METTL2A: variants seen among roughly 807,000 people sequenced by gnomAD.
METTL2A encodes the protein methyltransferase 2A, tRNA N3-cytidine, also known as tRNA N(3)-cytidine methyltransferase METTL2A.
METTL2A carries 45 observed loss-of-function variants against 49.4 expected under a neutral mutation model. The ratio of observed to expected loss-of-function variants is 0.91; its 90% CI spans 0.72 to 1.17. METTL2A has a LOEUF of 1.17. Ranked by LOEUF, METTL2A falls within the 50% of genes most tolerant of loss-of-function variation. The pLI, the probability that METTL2A is intolerant of heterozygous loss-of-function variation, is 0.00. For missense variants in METTL2A, 361 were observed against 462.2 expected (o/e 0.78, Z 2.01); for synonymous variants, 118 against 167.5 (o/e 0.70, Z 2.28).
At chr17:62,446,008 G>A (rs1485278573) in intron 7 of METTL2A, among the ~76,000 whole-genome samples, 2 of 152,120 alleles carry the variant, frequency 1.3e-5, no homozygotes, top group Non-Finnish European at 2.9e-5. Flanking sequence ...CAGGCGAGGA[G>A]TATTTAGTCA....
At chr17:62,444,964 C>A (rs1336846262) in intron 7 of METTL2A, 21 bp downstream of exon 7, 1 of 1,611,256 alleles carries the variant, frequency 6.2e-7, no homozygotes, top group Non-Finnish European at 8.5e-7. Flanking sequence ...AGTGCTGAAT[C>A]CTAACCACTA....
intron 8 of METTL2A, 149 bp downstream of exon 8, chr17:62,447,915 C>A: frequency 1.1e-5 from 17 of 1,528,868 alleles, no homozygotes; most frequent in Non-Finnish European, 1.4e-5. Flanking sequence ...CCCTCTTCCA[C>A]CCTGGGCTAG....
At chr17:62,429,080 C>T (rs1265629429) in intron 4 of METTL2A, among the ~76,000 whole-genome samples, 2 of 152,052 alleles carry the variant, frequency 1.3e-5, no homozygotes, top group Non-Finnish European at 2.9e-5. Context: ...GTCACCGTTC[C>T]CAGCCTCAAG....
rs910894676 is a variant in METTL2A at position 62,428,787 on chromosome 17, G to T, written c.608+950G>T. On this transcript the variant is annotated intron_variant, in intron 4 of 8. Transcript: ENST00000311506. ...CACCAACCTGGAAGCTCATCAAGGGGTTTTTTTTAGTTTTGAGACAAGCTC... is the reference window on the plus strand; with the variant it reads ...CACCAACCTGGAAGCTCATCAAGGGTTTTTTTTTAGTTTTGAGACAAGCTC... Among the ~76,000 whole-genome samples, 6 of 151,986 alleles carry T rather than the reference G, an allele frequency of 3.9e-5. No individual in the cohort carries two copies. The East Asian group carries it at 5.8e-4, about 15-fold the overall frequency.
At chr17:62,447,565 T>A in intron 7 of METTL2A, 136 bp from the exon 8 acceptor site, 1 of 847,068 alleles carries the variant, frequency 1.2e-6, no homozygotes, top group Non-Finnish European at 1.9e-6. Flanking sequence ...TTACTCCTGT[T>A]GAGCTGCTCT....
chr17:62,441,841 A>G lies in METTL2A; in HGVS notation c.809+1085A>G, dbSNP rs577845443. On this transcript the variant is annotated intron_variant, in intron 6 of 8. Coordinates refer to ENST00000311506, the MANE Select transcript of METTL2A (RefSeq NM_181725.4). ...CTGCAACCTCCACCTCCCGGGTTCA[A>G]CCAATTCTCCTGCCTCAGCCTCCCA... Among the ~76,000 whole-genome samples the G allele has an allele frequency of 3.4e-5, 5 of 147,022 alleles. No homozygotes were observed. In the East Asian group the frequency reaches 6.1e-4, roughly 18 times the overall value.
intron 6 of METTL2A, 61 bp downstream of exon 6, chr17:62,440,817 T>C: frequency 2.5e-6 from 4 of 1,575,394 alleles, no homozygotes; most frequent in Non-Finnish European, 3.4e-6. Context: ...AGGGACCTTT[T>C]TTTTTAAAAT....
intron 4 of METTL2A, among the ~76,000 whole-genome samples, chr17:62,430,251 C>T (rs2070655660): frequency 6.6e-6 from 1 of 152,172 alleles, no homozygotes; most frequent in South Asian, 2.1e-4. Flanking sequence ...GAGGAACCCA[C>T]CTCAAATGGG....
At position 62,447,767 on chromosome 17, in the gene METTL2A, G is replaced by A; in HGVS notation, c.982+1G>A. 1 of 1,614,172 alleles carries A rather than the reference G, an allele frequency of 6.2e-7. No homozygotes were observed. The highest frequency in any genetic ancestry group is 8.5e-7 in the Non-Finnish European group (1 of 1,179,990). Reference sequence around the variant, plus strand: ...ACCAGAGTTTACTTCTTCACACAAGGTATGAAACACCCATCTTTTTACACT... The same window carrying A: ...ACCAGAGTTTACTTCTTCACACAAGATATGAAACACCCATCTTTTTACACT... On this transcript the variant is annotated splice_donor_variant, in intron 8 of 8. Transcript: ENST00000311506. LOFTEE classifies it high-confidence loss of function.
intron 7 of METTL2A, among the ~76,000 whole-genome samples, chr17:62,447,294 C>G (rs2070775336): frequency 6.6e-6 from 1 of 152,072 alleles, no homozygotes; most frequent in African/African-American, 2.4e-5. Context: ...GTGGTGGGAA[C>G]CTGTAATCCC....
Position 62,448,831 on chromosome 17 carries a change from A to C in METTL2A, c.*102A>C, listed in dbSNP as rs549216987. The C allele has an allele frequency of 1.5e-4, 228 of 1,519,788 alleles. 2 individuals carry two copies. In the East Asian group the frequency reaches 5.1e-3, roughly 34 times the overall value. The allele number at this position is 1,519,788 out of a possible 1,614,324, so 94.1% of individuals were successfully genotyped here. ...GTGGTGCATGCCTGTAATCCCAGCC[A>C]CTCAGGAGGCTGAGGCGGGGAGGAT... On this transcript the variant is annotated 3_prime_UTR_variant, in exon 9 of 9. Coordinates refer to ENST00000311506, the MANE Select transcript of METTL2A (RefSeq NM_181725.4).
At chr17:62,431,457 G>A (rs2070664728) in intron 4 of METTL2A, among the ~76,000 whole-genome samples, 1 of 151,296 alleles carries the variant, frequency 6.6e-6, no homozygotes, top group Admixed American at 6.6e-5. Flanking sequence ...GGGTTCAGGT[G>A]ACCCTCCCAC....
intron 5 of METTL2A, among the ~76,000 whole-genome samples, chr17:62,438,373 C>T (rs1307131407): frequency 2.0e-5 from 3 of 147,920 alleles, no homozygotes; most frequent in South Asian, 2.2e-4. Context: ...CGCCATTGCA[C>T]TCCAGCCTGG....
At chr17:62,448,540 A>G (rs2070783543) in intron 8 of METTL2A, 35 bp from the exon 9 acceptor site, 4 of 1,604,116 alleles carry the variant, frequency 2.5e-6, no homozygotes, top group Non-Finnish European at 2.6e-6. Context: ...TCTTGAGGGG[A>G]AAAATGCATA....
In METTL2A at chr17:62,426,282, T is replaced by G; in HGVS notation, c.203-17T>G. On this transcript the variant is annotated splice_polypyrimidine_tract_variant and intron_variant, in intron 2 of 8. Transcript: ENST00000311506. ...TTTGAGAGCTGGTTCTTAAAATTTT[T>G]TCTTAAATATTTACAGTTGATTATG... 1 of 1,537,648 alleles carries G rather than the reference T, an allele frequency of 6.5e-7. No individual in the cohort carries two copies. The highest frequency in any genetic ancestry group is 8.8e-7 in the Non-Finnish European group (1 of 1,130,554).
rs2070733250 is a variant in METTL2A, at chr17:62,440,665, C to T, written c.718C>T (p.Leu240=). The change falls in exon 6 of 9, where the codon CTG becomes TTG. Residue 240 remains leucine (L), a synonymous_variant. Coordinates refer to ENST00000311506, the MANE Select transcript of METTL2A (RefSeq NM_181725.4). The part of the protein sequence containing the change: ...PSRCFAFVHD[L]CDEEKSYPVP... Reference sequence around the variant, plus strand: ...TCGGTGTTTTGCCTTTGTTCACGACCTGTGTGATGAAGAGAAGAGTTACCC... The same window carrying T: ...TCGGTGTTTTGCCTTTGTTCACGACTTGTGTGATGAAGAGAAGAGTTACCC... 1 of 1,613,682 alleles carries T rather than the reference C, an allele frequency of 6.2e-7. No homozygotes were observed. The highest frequency in any genetic ancestry group is 8.5e-7 in the Non-Finnish European group (1 of 1,179,960).
chr17:62,424,086 C>T (rs892417966), intron 1 of METTL2A, 74 bp downstream of exon 1: 236 of 1,585,880 alleles, frequency 1.5e-4, no homozygotes, highest in Non-Finnish European at 1.1e-4. Flanking sequence ...CCGAAAAGCC[C>T]CTGACCGCCG....
In METTL2A at chr17:62,453,123, A is replaced by G. The variant is rs2070814018; in HGVS notation, c.*4394A>G. On this transcript the variant is annotated 3_prime_UTR_variant, in exon 9 of 9. Coordinates refer to ENST00000311506, the MANE Select transcript of METTL2A (RefSeq NM_181725.4). ...TTTCAACACTATAGGCACAGTTTTT[A>G]TTTTATCTTTCTGGCACCTGGTTTG... Among the ~76,000 whole-genome samples the G allele has an allele frequency of 6.6e-6, 1 of 152,170 alleles. No individual in the cohort carries two copies. Among genetic ancestry groups the G allele is most frequent in the South Asian group, 2.1e-4 (1 of 4,830 alleles).
At chr17:62,442,578 C>T (rs1052647612) in intron 6 of METTL2A, among the ~76,000 whole-genome samples, 13 of 152,140 alleles carry the variant, frequency 8.5e-5, no homozygotes, top group African/African-American at 2.9e-4. Flanking sequence ...TGCAACCTGA[C>T]CAAAACTACC....
Sources: allele counts gnomAD v4.1 joint callset (sites outside exome capture counted in the v4.1 genomes callset), GRCh38; gene constraint gnomAD v4.1.1; transcripts MANE v1.5; gene names NCBI Gene and HGNC (gene_info 2026-07-23, HGNC 2026-07-21).